Variants in FIG4 observed in about 807,000 individuals in gnomAD.
FIG4 encodes the protein FIG4 phosphoinositide 5-phosphatase, also known as polyphosphoinositide phosphatase.
In FIG4, 112 loss-of-function variants were observed where a neutral mutation model predicts 118.6. The ratio of observed to expected loss-of-function variants is 0.94; its 90% confidence interval spans 0.81 to 1.11. FIG4 has a LOEUF of 1.11. FIG4 is among the 50% of genes least tolerant of loss of function. The probability of loss-of-function intolerance (pLI) is 0.00; values close to 1 mark genes in which losing one functional copy is unlikely to be tolerated. For synonymous variants in FIG4, 369 were observed against 381.2 expected, an observed-to-expected ratio of 0.97 and a Z score of 0.37; for missense variants, 969 against 1,111.7, an observed-to-expected ratio of 0.87 and a Z score of 1.83.
chr6:109,809,068 T>C (rs1192365891), intron 22 of FIG4, among the ~76,000 whole-genome samples: 1 of 152,230 alleles, frequency 6.6e-6, no homozygotes, highest in African/African-American at 2.4e-5. Context: ...GTTTCAGTTC[T>C]ACATTGCAAC....
intron 15 of FIG4, among the ~76,000 whole-genome samples, chr6:109,775,302 C>T (rs181032732): frequency 6.6e-6 from 1 of 152,214 alleles, no homozygotes; most frequent in East Asian, 1.9e-4. Flanking sequence ...AGTAAGTGAC[C>T]GTAAACATCA....
rs534256802 is a variant in FIG4, at chr6:109,802,530, A to C, written c.2546+5679A>C. Among the ~76,000 whole-genome samples, 10 of 152,368 alleles carry C rather than the reference A, an allele frequency of 6.6e-5. No homozygotes were observed. The South Asian group carries it at 1.9e-3, about 28-fold the overall frequency. ...TTTCATGAAACTTGTGTTTCTGTGC[A>C]AAAGTTTAGCATGTGTGTACCAGTT... On this transcript the variant is annotated intron_variant, in intron 22 of 22. Coordinates refer to ENST00000230124, the MANE Select transcript of FIG4 (RefSeq NM_014845.6).
intron 10 of FIG4, among the ~76,000 whole-genome samples, chr6:109,749,138 A>G (rs1482548376): frequency 6.7e-6 from 1 of 149,370 alleles, no homozygotes; most frequent in South Asian, 2.1e-4. Context: ...TATGTCCCCA[A>G]ACTGGCAGTT....
intron 3 of FIG4, among the ~76,000 whole-genome samples, chr6:109,722,736 G>A (rs933075017): frequency 4.4e-5 from 3 of 67,872 alleles, no homozygotes; most frequent in African/African-American, 1.1e-4. Context: ...GAGCTGGGCA[G>A]GGATGGGACC....
chr6:109,720,433 G>A (rs550555351), intron 3 of FIG4, among the ~76,000 whole-genome samples: 10 of 152,266 alleles, frequency 6.6e-5, no homozygotes, highest in African/African-American at 9.6e-5. Context: ...AAATATTTTT[G>A]GTGGAATGTT....
intron 8 of FIG4, 46 bp downstream of exon 8, chr6:109,741,590 T>C: frequency 8.5e-7 from 1 of 1,182,450 alleles, no homozygotes; most frequent in South Asian, 1.2e-5. Context: ...ACCTTTTATA[T>C]CAGCTTTGCT....
chr6:109,793,488 A>T (rs764359676), intron 21 of FIG4, among the ~76,000 whole-genome samples: 66 of 152,318 alleles, frequency 4.3e-4, no homozygotes, highest in Non-Finnish European at 7.4e-4. Context: ...GAGAAGATAG[A>T]TTTAGCAGAT....
At chr6:109,703,427 T>C (rs922050640) in intron 1 of FIG4, among the ~76,000 whole-genome samples, 2 of 152,240 alleles carry the variant, frequency 1.3e-5, no homozygotes, top group Non-Finnish European at 2.9e-5. Flanking sequence ...TTGTGTAAAT[T>C]GGATTGCTTC....
intron 5 of FIG4, among the ~76,000 whole-genome samples, chr6:109,733,688 AAT>A (rs1369872324): frequency 6.6e-6 from 1 of 152,056 alleles, no homozygotes; most frequent in Non-Finnish European, 1.5e-5. Flanking sequence ...CTCCTAAAGA[AAT>A]AGTTTTTACT....
At chr6:109,823,234 A>G (rs931246941) in intron 22 of FIG4, among the ~76,000 whole-genome samples, 9 of 152,154 alleles carry the variant, frequency 5.9e-5, no homozygotes, top group African/African-American at 2.2e-4. Context: ...ACGTACAGTA[A>G]GAATTTTGCT....
intron 1 of FIG4, among the ~76,000 whole-genome samples, chr6:109,696,757 A>G (rs1583620897): frequency 6.6e-6 from 1 of 152,200 alleles, no homozygotes; most frequent in South Asian, 2.1e-4. Context: ...AGAGGGAATG[A>G]TAGGGAGGGA....
At chr6:109,779,734 G>T (rs942147575) in intron 16 of FIG4, among the ~76,000 whole-genome samples, 2 of 152,152 alleles carry the variant, frequency 1.3e-5, no homozygotes, top group Admixed American at 1.3e-4. Context: ...ACCTGTACAG[G>T]TTATTTTGCT....
At chr6:109,743,831 C>T in intron 10 of FIG4, 59 bp downstream of exon 10, 1 of 1,195,306 alleles carries the variant, frequency 8.4e-7, no homozygotes, top group Non-Finnish European at 1.2e-6. Flanking sequence ...GCCTCTTCCT[C>T]AACACAGAGG....
chr6:109,822,429 A>G (rs1413675558), intron 22 of FIG4, among the ~76,000 whole-genome samples: 1 of 152,164 alleles, frequency 6.6e-6, no homozygotes, highest in African/African-American at 2.4e-5. Flanking sequence ...TATTGGGTAA[A>G]TATTGTTAGT....
intron 10 of FIG4, 97 bp downstream of exon 10, chr6:109,743,869 C>T: frequency 1.1e-6 from 1 of 870,304 alleles, no homozygotes; most frequent in Admixed American, 1.7e-5. Context: ...TTTCCCTCTT[C>T]CTAGTGGAGA....
At chr6:109,727,376 C>T in intron 4 of FIG4, 111 bp downstream of exon 4, 2 of 848,848 alleles carry the variant, frequency 2.4e-6, no homozygotes, top group South Asian at 1.4e-5. Context: ...GTAGCCTTGG[C>T]CTCCCAGGCT....
chr6:109,701,803 T>G, intron 1 of FIG4: 1 of 463,988 alleles, frequency 2.2e-6, no homozygotes, highest in Admixed American at 2.5e-5. Flanking sequence ...TGTAGTTGAC[T>G]AAGGATTGGA....
At chr6:109,808,373 AAGAG>A (rs1461365375) in intron 22 of FIG4, among the ~76,000 whole-genome samples, 26 of 144,238 alleles carry the variant, frequency 1.8e-4, no homozygotes, top group Admixed American at 1.1e-3. Flanking sequence ...AAAAAAAAAA[AAGAG>A]AGAAGAAAGA....
rs754338522 is a variant in FIG4 at position 109,762,208 on chromosome 6, G to A, written c.1388+1G>A. 2 of 1,513,662 alleles carry A rather than the reference G, an allele frequency of 1.3e-6. No homozygotes were observed. Among genetic ancestry groups the A allele is most frequent in the African/African-American group, 1.4e-5 (1 of 72,984 alleles). The allele number at this position is 1,513,662 out of a possible 1,614,324, so 93.8% of individuals were successfully genotyped here. On this transcript the variant is annotated splice_donor_variant, in intron 12 of 22. Coordinates refer to ENST00000230124, the MANE Select transcript of FIG4 (RefSeq NM_014845.6). LOFTEE classifies it high-confidence loss of function. ...GTAGCATTTTGCGGCCAGATGAAAA[G>A]TATGTATGGTATTTTAAAACTTATA...
Sources: gnomAD v4.1 joint callset for allele counts (sites outside exome capture counted in the v4.1 genomes callset) on GRCh38, gnomAD v4.1.1 for gene constraint, MANE v1.5 for transcripts, NCBI Gene and HGNC (gene_info 2026-07-23, HGNC 2026-07-21) for gene names.